The following GIPR variants were observed in gnomAD, a reference collection of about 807,000 sequenced individuals.
GIPR encodes the protein gastric inhibitory polypeptide receptor, also known as GIP-R.
GIPR carries 74 observed loss-of-function variants against 62.2 expected under a neutral mutation model. The observed-to-expected ratio is 1.19, with a 90% CI of 0.99 to 1.44. The LOEUF (loss-of-function observed/expected upper bound fraction) is 1.44, where lower values mean the gene tolerates loss of function less well. Among genes scored for constraint, GIPR ranks in the 40% most tolerant of loss-of-function variants. The pLI is 0.00. For synonymous variants in GIPR, 256 were observed against 262.2 expected (o/e 0.98, Z 0.23); for missense variants, 664 against 611.8 (o/e 1.09, Z -0.90).
Position 45,677,012 on chromosome 19 carries a change from T to A in GIPR, c.697T>A (p.Trp233Arg). 1 of 1,613,962 alleles carries A rather than the reference T, an allele frequency of 6.2e-7. No individual in the cohort carries two copies. The highest frequency in any genetic ancestry group is 8.5e-7 in the Non-Finnish European group (1 of 1,179,922). The change falls in exon 8 of 14, where the codon TGG becomes AGG. Residue 233 changes from tryptophan to arginine, a missense_variant. By Grantham distance (101) the Trp-to-Arg change is moderately radical. Coordinates refer to ENST00000590918, the MANE Select transcript of GIPR (RefSeq NM_000164.4). ...TQYCVGANYT[W>R]LLVEGVYLHS... ...GTACTGCGTGGGTGCCAACTACACG[T>A]GGCTGCTGGTGGAGGGCGTCTACCT... is the stretch of plus-strand genomic sequence containing the variant.
In GIPR at chr19:45,670,745, G is replaced by A; in HGVS notation, c.172+11G>A. ...CGGAACCGCCTTCAGGTGTGACCAGGAGGGCTGGGGACGCGGGGAGGACCT... is the reference window on the plus strand; with the variant it reads ...CGGAACCGCCTTCAGGTGTGACCAGAAGGGCTGGGGACGCGGGGAGGACCT... On this transcript the variant is annotated intron_variant, in intron 3 of 13. Transcript: ENST00000590918. The A allele has an allele frequency of 1.3e-6, 2 of 1,551,636 alleles. No homozygotes were observed. The highest frequency in any genetic ancestry group is 2.3e-5 in the East Asian group (1 of 44,124).
At position 45,681,630 on chromosome 19, in the gene GIPR, C is replaced by T. The variant is rs1302860359; in HGVS notation, c.1179C>T (p.Cys393=). Reference sequence around the variant, plus strand: ...GCTTCCTGGTCAGCGTCCTCTACTGCTTCATCAACAAGGAGGTAGGCAGAG... The same window carrying T: ...GCTTCCTGGTCAGCGTCCTCTACTGTTTCATCAACAAGGAGGTAGGCAGAG... ...FQGFLVSVLY[C]FINKEVQSEI... Residue 393 remains cysteine (C), a synonymous_variant, in exon 13 of 14, where the codon TGC becomes TGT. Transcript: ENST00000590918. 6.2e-7 allele frequency: 1 copy of T among 1,613,882 alleles called. No homozygotes were observed. The highest frequency in any genetic ancestry group is 8.5e-7 in the Non-Finnish European group (1 of 1,179,920).
rs1208334112 is a variant in GIPR, at chr19:45,677,102, G to C, written c.787G>C (p.Gly263Arg). 16 of 1,613,504 alleles carry C rather than the reference G, an allele frequency of 9.9e-6. No individual in the cohort carries two copies. Among genetic ancestry groups the C allele is most frequent in the Non-Finnish European group, 1.3e-5 (15 of 1,179,954 alleles). Residue 263 changes from glycine (G) to arginine (R), a missense_variant, in exon 8 of 14, where the codon GGC becomes CGC. Transcript: ENST00000590918. ...CCACTTCCGCTACTACCTGCTCCTCGGCTGGGGTGAGCTCCGATCCCGTCC... is the reference window on the plus strand; with the variant it reads ...CCACTTCCGCTACTACCTGCTCCTCCGCTGGGGTGAGCTCCGATCCCGTCC... ...EGHFRYYLLL[G>R]WGAPALFVIP...
chr19:45,679,740 G>C (rs1479043510), intron 12 of GIPR, among the ~76,000 whole-genome samples: 1 of 151,956 alleles, frequency 6.6e-6, no homozygotes, highest in Non-Finnish European at 1.5e-5. Context: ...CTAAGTGGCT[G>C]GGAGCACAGG....
chr19:45,677,898 C>A lies in GIPR; in HGVS notation c.925-8C>A. 6.2e-7 allele frequency: 1 copy of A among 1,613,158 alleles called. No individual in the cohort carries two copies. Among genetic ancestry groups the A allele is most frequent in the Non-Finnish European group, 8.5e-7 (1 of 1,179,150 alleles). ...CGCGGCTGGCTCAGCCCTTATCTCT[C>A]CCCACAGATTAATTTCCTCATTTTT... On this transcript the variant is annotated splice_polypyrimidine_tract_variant and splice_region_variant and intron_variant, in intron 10 of 13. Coordinates refer to ENST00000590918, the MANE Select transcript of GIPR (RefSeq NM_000164.4).
chr19:45,674,876 G>C lies in GIPR; in HGVS notation c.633+50G>C, dbSNP rs754507948. 3.8e-6 allele frequency: 6 copies of C among 1,572,538 alleles called. No individual in the cohort carries two copies. In the Admixed American group the frequency reaches 1.0e-4, roughly 26 times the overall value. ...CAAATGGGAATCTTGCTTCTCTGGT[G>C]GGACCAGGAAGTTCTCAGTCCATTT... On this transcript the variant is annotated intron_variant, in intron 7 of 13. Transcript: ENST00000590918.
intron 1 of GIPR, among the ~76,000 whole-genome samples, chr19:45,668,806 G>A (rs1313622335): frequency 2.0e-5 from 3 of 152,188 alleles, no homozygotes; most frequent in Admixed American, 6.5e-5. Flanking sequence ...CGGATCTGTC[G>A]CTTCTCTAGT....
intron 12 of GIPR, 81 bp downstream of exon 12, chr19:45,678,307 C>T (rs1462075617): frequency 3.5e-6 from 5 of 1,437,772 alleles, no homozygotes; most frequent in South Asian, 1.2e-5. Flanking sequence ...CAGTCGTTCT[C>T]TGGTGCAGCC....
chr19:45,681,523 C>A, intron 12 of GIPR, 81 bp from the exon 13 acceptor site: 2 of 1,215,170 alleles, frequency 1.6e-6, no homozygotes, highest in Non-Finnish European at 2.4e-6. Flanking sequence ...AACAAACAAA[C>A]AAAAAACGGG....
At chr19:45,675,064 G>A (rs541341089) in intron 7 of GIPR, 8 of 542,420 alleles carry the variant, frequency 1.5e-5, no homozygotes, top group Admixed American at 6.2e-5. Flanking sequence ...GGAATTTTCC[G>A]TTCCTCTCCC....
chr19:45,674,329 C>T lies in GIPR; in HGVS notation c.488+152C>T, dbSNP rs114918004. On this transcript the variant is annotated intron_variant, in intron 6 of 13. Transcript: ENST00000590918. ...GGTGGTTAAAGGAGCTCTGTGTGGC[C>T]GGGAGCGGTGGCTGATGCCTGTAAT... 4,845 of 708,856 alleles carry T rather than the reference C, an allele frequency of 6.8e-3. 187 individuals are homozygous for T. The African/African-American group carries it at 0.073, about 11-fold the overall frequency. The allele number at this position is 708,856 out of a possible 1,614,324, so 43.9% of individuals were successfully genotyped here.
Position 45,677,798 on chromosome 19 carries a change from C to T in GIPR, c.924+19C>T, listed in dbSNP as rs1381177029. 3.1e-6 allele frequency: 5 copies of T among 1,608,730 alleles called. No individual in the cohort carries two copies. The South Asian group carries it at 5.5e-5, about 18-fold the overall frequency. ...CATCTTGGTAGGATCGGTCCCGCCTCCACCAGGCCGCCCTCAGGGATTTCC... is the reference window on the plus strand; with the variant it reads ...CATCTTGGTAGGATCGGTCCCGCCTTCACCAGGCCGCCCTCAGGGATTTCC... On this transcript the variant is annotated intron_variant, in intron 10 of 13. Coordinates refer to ENST00000590918, the MANE Select transcript of GIPR (RefSeq NM_000164.4).
At chr19:45,674,425 T>C in intron 6 of GIPR, 1 of 629,718 alleles carries the variant, frequency 1.6e-6, no homozygotes, top group South Asian at 1.8e-5. Context: ...CTGGGCAATA[T>C]AGTGAAACCT....
Position 45,677,012 on chromosome 19 carries a change from T to C in GIPR, c.697T>C (p.Trp233Arg), listed in dbSNP as rs745643138. 8 of 1,613,962 alleles carry C rather than the reference T, an allele frequency of 5.0e-6. No individual in the cohort carries two copies. The highest frequency in any genetic ancestry group is 6.8e-6 in the Non-Finnish European group (8 of 1,179,922). ...GTACTGCGTGGGTGCCAACTACACG[T>C]GGCTGCTGGTGGAGGGCGTCTACCT... is the stretch of plus-strand genomic sequence containing the variant. ...TQYCVGANYT[W>R]LLVEGVYLHS... Residue 233 changes from tryptophan (W) to arginine (R), a missense_variant, in exon 8 of 14, where the codon TGG becomes CGG. By Grantham distance (101) the Trp-to-Arg change is moderately radical. Coordinates refer to ENST00000590918, the MANE Select transcript of GIPR (RefSeq NM_000164.4).
chr19:45,673,419 C>CAAAAAA (rs71175203), intron 5 of GIPR, among the ~76,000 whole-genome samples: 11 of 82,704 alleles, frequency 1.3e-4, no homozygotes, highest in Non-Finnish European at 2.2e-4. Flanking sequence ...GACTCCATCT[C>CAAAAAA]AAAAAAAAAA....
rs143680434 is a variant in GIPR, at chr19:45,674,169, T to C, written c.480T>C (p.Ser160=). ...TGCTGCTAGCCCTGCTCATCTTGAG[T>C]TTGTTCAGGTGGGACCTTAACCCTG... The part of the protein sequence containing the change: ...ATLLLALLIL[S]LFRRLHCTRN... Residue 160 remains serine, a synonymous_variant, in exon 6 of 14, where the codon AGT becomes AGC. Transcript: ENST00000590918. The C allele has an allele frequency of 1.9e-6, 3 of 1,609,018 alleles. No individual in the cohort carries two copies. The highest frequency in any genetic ancestry group is 8.5e-7 in the Non-Finnish European group (1 of 1,175,474).
intron 7 of GIPR, chr19:45,675,367 G>A (rs1172917595): frequency 1.3e-5 from 2 of 157,656 alleles, no homozygotes; most frequent in South Asian, 1.8e-4. Context: ...ACGAGGCCAG[G>A]AGTTCAAGAT....
At chr19:45,677,408 G>C (rs778576596) in intron 9 of GIPR, 25 bp downstream of exon 9, 1 of 1,463,152 alleles carries the variant, frequency 6.8e-7, no homozygotes, top group Non-Finnish European at 9.6e-7. Context: ...CTGGGGCGGG[G>C]CGTGGGAGGT....
At chr19:45,671,248 G>C (rs1568517384) in intron 3 of GIPR, 37 bp from the exon 4 acceptor site, 1 of 1,235,714 alleles carries the variant, frequency 8.1e-7, no homozygotes, top group Non-Finnish European at 1.2e-6. Context: ...CTGCGCAGTA[G>C]GTCCACTGGG....
Sources: allele counts gnomAD v4.1 joint callset (sites outside exome capture counted in the v4.1 genomes callset), GRCh38; gene constraint gnomAD v4.1.1; transcripts MANE v1.5; gene names NCBI Gene and HGNC (gene_info 2026-07-23, HGNC 2026-07-21).